The following MANBA variants were observed in gnomAD, a reference collection of about 807,000 sequenced individuals.
MANBA encodes the protein mannosidase beta, also known as beta-mannosidase.
MANBA carries 83 observed loss-of-function variants against 111.1 expected under a neutral mutation model. The observed-to-expected ratio is 0.75, with a 90% CI of 0.63 to 0.90. The LOEUF (loss-of-function observed/expected upper bound fraction) is 0.90, where lower values mean the gene tolerates loss of function less well. Ranked by LOEUF, MANBA falls within the 40% of genes least tolerant of loss-of-function variation. The pLI is 0.00. For missense variants in MANBA, 1,036 were observed against 1,069.0 expected, an observed-to-expected ratio of 0.97 and a Z score of 0.43; for synonymous variants, 370 against 378.7, an observed-to-expected ratio of 0.98 and a Z score of 0.27.
intron 11 of MANBA, among the ~76,000 whole-genome samples, chr4:102,660,285 C>T (rs559227478): frequency 6.6e-6 from 1 of 152,168 alleles, no homozygotes; most frequent in South Asian, 2.1e-4. Context: ...TTTTTTCCAT[C>T]ACCGAATTTC....
intron 1 of MANBA, among the ~76,000 whole-genome samples, chr4:102,742,293 C>T (rs921250245): frequency 7.2e-5 from 11 of 152,110 alleles, no homozygotes; most frequent in African/African-American, 2.4e-4. Context: ...ACCAGCAGAA[C>T]GTAATGTCGC....
At position 102,631,106 on chromosome 4, in the gene MANBA, T is replaced by TG. The variant is rs1560734265; in HGVS notation, c.*950_*951insC. On this transcript the variant is annotated 3_prime_UTR_variant, in exon 17 of 17. Coordinates refer to ENST00000647097, the MANE Select transcript of MANBA (RefSeq NM_005908.4). ...GTCCCCTTATCCCCTTGATAAGGCT[T>TG]TGTGTGTGTGTGTGTGTGTGTGTGT... 1,325 of 73,110 alleles carry TG rather than the reference T, an allele frequency of 0.018. 23 individuals are homozygous for TG. The highest frequency in any genetic ancestry group is 0.035 in the Middle Eastern group (4 of 114). 4.5% of individuals were successfully genotyped at this position (73,110 alleles called of 1,614,324 possible).
chr4:102,699,217 G>A (rs1474072467), intron 5 of MANBA, among the ~76,000 whole-genome samples: 86 of 151,776 alleles, frequency 5.7e-4, no homozygotes, highest in African/African-American at 2.0e-3. Context: ...TGTATCCTGA[G>A]ACTTTGCTGA....
chr4:102,760,135 T>C (rs538601249), intron 1 of MANBA, among the ~76,000 whole-genome samples: 1 of 152,154 alleles, frequency 6.6e-6, no homozygotes, highest in East Asian at 1.9e-4. Flanking sequence ...ATAGCACCTT[T>C]CTTCATCACC....
intron 4 of MANBA, among the ~76,000 whole-genome samples, chr4:102,722,026 T>A (rs1244295161): frequency 3.3e-5 from 2 of 61,220 alleles, no homozygotes; most frequent in Non-Finnish European, 5.0e-5. Flanking sequence ...TGTGACCCAG[T>A]CTCAAAAAAA....
chr4:102,641,081 A>G (rs988633066), intron 13 of MANBA, among the ~76,000 whole-genome samples: 11 of 152,222 alleles, frequency 7.2e-5, no homozygotes, highest in African/African-American at 2.7e-4. Context: ...AATGCTAAGT[A>G]GAAGAGGTAT....
intron 1 of MANBA, among the ~76,000 whole-genome samples, chr4:102,754,290 G>A (rs1353700913): frequency 1.3e-5 from 2 of 151,904 alleles, no homozygotes; most frequent in African/African-American, 4.8e-5. Flanking sequence ...CATATCCTAT[G>A]AATCAGCTAT....
At position 102,657,848 on chromosome 4, in the gene MANBA, G is replaced by A; in HGVS notation, c.1538C>T (p.Thr513Ile). The change falls in exon 12 of 17, where the codon ACT becomes ATT. Residue 513 changes from threonine (T) to isoleucine (I), a missense_variant. Transcript: ENST00000647097. ...ITSSPTNGAE[T>I]VAEAWVSQNP... ...TTGAGAGACCCAGGCTTCTGCAACA[G>A]TTTCAGCCCCATTTGTAGGACTGGA... is the stretch of plus-strand genomic sequence containing the variant. The A allele has an allele frequency of 6.2e-7, 1 of 1,613,934 alleles. No individual in the cohort carries two copies. The highest frequency in any genetic ancestry group is 8.5e-7 in the Non-Finnish European group (1 of 1,179,836).
At chr4:102,753,430 A>T (rs1431480743) in intron 1 of MANBA, among the ~76,000 whole-genome samples, 1 of 152,196 alleles carries the variant, frequency 6.6e-6, no homozygotes, top group African/African-American at 2.4e-5. Flanking sequence ...AAAGATTAAA[A>T]GAGAAGGAAT....
chr4:102,755,849 T>G (rs1044657197), intron 1 of MANBA, among the ~76,000 whole-genome samples: 4 of 152,166 alleles, frequency 2.6e-5, no homozygotes, highest in Admixed American at 2.6e-4. Flanking sequence ...AAGACATTTA[T>G]GCAGCCAAAA....
chr4:102,660,245 C>G (rs148767464), intron 11 of MANBA, among the ~76,000 whole-genome samples: 2,063 of 152,274 alleles, frequency 0.014, 23 homozygotes, highest in Non-Finnish European at 0.02. Flanking sequence ...TTCAGTCACT[C>G]TGAGTAGTAG....
intron 11 of MANBA, among the ~76,000 whole-genome samples, chr4:102,659,513 AC>A (rs1157993587): frequency 3.9e-5 from 6 of 152,008 alleles, no homozygotes; most frequent in Admixed American, 2.6e-4. Context: ...TTGCTTTGGT[AC>A]TATAGCCAAC....
At chr4:102,728,101 G>T (rs1560801658) in intron 1 of MANBA, 2 of 535,366 alleles carry the variant, frequency 3.7e-6, no homozygotes, top group East Asian at 5.2e-5. Context: ...GCAAAGAGAA[G>T]ACTGCTGCCT....
intron 7 of MANBA, among the ~76,000 whole-genome samples, chr4:102,676,337 G>C (rs562350256): frequency 6.6e-6 from 1 of 152,050 alleles, no homozygotes; most frequent in African/African-American, 2.4e-5. Flanking sequence ...AAGTCAAACA[G>C]TGTTTATTAC....
At chr4:102,650,928 C>A in intron 12 of MANBA, 1 of 499,328 alleles carries the variant, frequency 2.0e-6, no homozygotes, top group Non-Finnish European at 3.6e-6. Flanking sequence ...TATATCCTCC[C>A]TTCCTCCAAC....
At chr4:102,718,592 C>G (rs554005031) in intron 4 of MANBA, among the ~76,000 whole-genome samples, 2 of 152,280 alleles carry the variant, frequency 1.3e-5, no homozygotes, top group South Asian at 2.1e-4. Flanking sequence ...ATGAGTCCCA[C>G]TATCCATTCT....
At chr4:102,645,658 T>A (rs2110198911) in intron 13 of MANBA, among the ~76,000 whole-genome samples, 1 of 152,294 alleles carries the variant, frequency 6.6e-6, no homozygotes, top group African/African-American at 2.4e-5. Flanking sequence ...AACTGACTTG[T>A]TGCCATATAA....
chr4:102,691,481 G>A (rs1318680449), intron 5 of MANBA, among the ~76,000 whole-genome samples: 2 of 151,408 alleles, frequency 1.3e-5, no homozygotes, highest in Non-Finnish European at 2.9e-5. Context: ...AATACAGAGA[G>A]GGTGAAGGAA....
At chr4:102,714,588 T>C (rs558283776) in intron 4 of MANBA, 27 bp from the exon 5 acceptor site, 2 of 1,596,912 alleles carry the variant, frequency 1.3e-6, no homozygotes, top group East Asian at 4.5e-5. Flanking sequence ...AAAAAGAAGA[T>C]ATATTCTGAT....
Sources: gnomAD v4.1 joint callset for allele counts (sites outside exome capture counted in the v4.1 genomes callset) on GRCh38, gnomAD v4.1.1 for gene constraint, MANE v1.5 for transcripts, NCBI Gene and HGNC (gene_info 2026-07-23, HGNC 2026-07-21) for gene names.